The following PPFIA2 variants were observed in gnomAD, a reference collection of about 807,000 sequenced individuals.
PPFIA2 encodes the protein liprin-alpha-2.
Under a neutral mutation model 175.5 loss-of-function variants are expected in PPFIA2, and 46 were observed. That is an observed-to-expected ratio of 0.26 (90% CI 0.21 to 0.34). The LOEUF is 0.34. Ranked by LOEUF, PPFIA2 falls within the 10% of genes least tolerant of loss-of-function variation. The pLI, the probability that PPFIA2 is intolerant of heterozygous loss-of-function variation, is 1.00. For synonymous variants in PPFIA2, 568 were observed against 511.4 expected, an observed-to-expected ratio of 1.11 and a Z score of -1.49; for missense variants, 1,179 against 1,506.1, an observed-to-expected ratio of 0.78 and a Z score of 3.60.
At chr12:81,666,652 C>T (rs1472565737) in intron 4 of PPFIA2, among the ~76,000 whole-genome samples, 6 of 151,978 alleles carry the variant, frequency 3.9e-5, no homozygotes, top group Non-Finnish European at 8.8e-5. Flanking sequence ...TGGAGATATA[C>T]CTAATGTTAA....
chr12:81,479,818 T>C (rs2057977890), intron 4 of PPFIA2, among the ~76,000 whole-genome samples: 1 of 152,148 alleles, frequency 6.6e-6, no homozygotes, highest in South Asian at 2.1e-4. Flanking sequence ...ACCCGACATT[T>C]TTCTCTGGCT....
intron 28 of PPFIA2, among the ~76,000 whole-genome samples, chr12:81,269,843 A>G (rs1360536079): frequency 1.3e-5 from 2 of 151,980 alleles, no homozygotes; most frequent in Non-Finnish European, 2.9e-5. Flanking sequence ...TTATGCTGCA[A>G]TGTGTCCATT....
At chr12:81,372,823 G>A (rs2035495873) in intron 11 of PPFIA2, among the ~76,000 whole-genome samples, 1 of 151,666 alleles carries the variant, frequency 6.6e-6, no homozygotes, top group African/African-American at 2.4e-5. Context: ...AGCATTTGAA[G>A]ACTTTTTGGA....
chr12:81,697,694 T>C (rs893418216), intron 3 of PPFIA2, among the ~76,000 whole-genome samples: 1 of 152,144 alleles, frequency 6.6e-6, no homozygotes, highest in African/African-American at 2.4e-5. Flanking sequence ...AATGCTCCCA[T>C]ATGTCTGTCT....
At chr12:81,283,415 T>C (rs1164299222) in intron 25 of PPFIA2, among the ~76,000 whole-genome samples, 3 of 151,910 alleles carry the variant, frequency 2.0e-5, no homozygotes, top group Non-Finnish European at 4.4e-5. Context: ...TTATACAAAG[T>C]AAATTAGTGA....
At chr12:81,308,863 C>A (rs1027185741) in intron 22 of PPFIA2, among the ~76,000 whole-genome samples, 2 of 152,106 alleles carry the variant, frequency 1.3e-5, no homozygotes, top group East Asian at 1.9e-4. Context: ...CCATTCATTT[C>A]ATTTCAATTG....
intron 4 of PPFIA2, among the ~76,000 whole-genome samples, chr12:81,626,302 G>A (rs973629114): frequency 2.6e-5 from 4 of 151,786 alleles, no homozygotes; most frequent in Non-Finnish European, 5.9e-5. Context: ...AGCTTTTTAT[G>A]TTGTTCATCA....
intron 4 of PPFIA2, among the ~76,000 whole-genome samples, chr12:81,586,883 A>G (rs1244532671): frequency 1.3e-5 from 2 of 151,952 alleles, no homozygotes; most frequent in Non-Finnish European, 2.9e-5. Flanking sequence ...AAATTATGCT[A>G]TTATTTAAAA....
At chr12:81,459,738 T>C (rs2054198729) in intron 4 of PPFIA2, among the ~76,000 whole-genome samples, 1 of 152,148 alleles carries the variant, frequency 6.6e-6, no homozygotes, top group African/African-American at 2.4e-5. Flanking sequence ...ATCATGGCAC[T>C]GATTCTGAGT....
chr12:81,410,802 C>T (rs1011728736), intron 7 of PPFIA2, among the ~76,000 whole-genome samples: 5 of 151,960 alleles, frequency 3.3e-5, no homozygotes, highest in African/African-American at 7.2e-5. Flanking sequence ...CTATGGGAAA[C>T]GATTCTCTCT....
At chr12:81,421,832 C>T in intron 7 of PPFIA2, among the ~76,000 whole-genome samples, 1 of 151,874 alleles carries the variant, frequency 6.6e-6, no homozygotes, top group African/African-American at 2.4e-5. Flanking sequence ...TAAAGACACA[C>T]ACAGTTTGAA....
rs1009373661 is a variant in PPFIA2 at position 81,449,686 on chromosome 12, C to T, written c.406-3966G>A. 1.3e-4 allele frequency among the ~76,000 whole-genome samples: 20 copies of T among 151,868 alleles called. 1 individual carries two copies. The highest frequency in any genetic ancestry group is 1.2e-3 in the Admixed American group (19 of 15,242). On this transcript the variant is annotated intron_variant, in intron 5 of 32. Coordinates refer to ENST00000549396, the MANE Select transcript of PPFIA2 (RefSeq NM_003625.5). Reference sequence around the variant, plus strand: ...TAAGTTCTAGGGTACATGTGCACAACGTGCAGGTTTATTACATATGTATAC... The same window carrying T: ...TAAGTTCTAGGGTACATGTGCACAATGTGCAGGTTTATTACATATGTATAC...
chr12:81,701,773 C>T (rs960518991), intron 3 of PPFIA2, among the ~76,000 whole-genome samples: 11 of 151,788 alleles, frequency 7.2e-5, no homozygotes, highest in Non-Finnish European at 1.2e-4. Context: ...TAATACAGTT[C>T]TCCATTAAAA....
chr12:81,418,434 G>C (rs569111851), intron 7 of PPFIA2, among the ~76,000 whole-genome samples: 133 of 151,828 alleles, frequency 8.8e-4, no homozygotes, highest in Middle Eastern at 6.3e-3. Context: ...GCTAAAAATT[G>C]TTTTGACATT....
rs1555549360 is a variant in PPFIA2, at chr12:81,642,704, A to ATATATTATATACATACACGTACG, written c.303+34086_303+34087insCGTACGTGTATGTATATAATATA. On this transcript the variant is annotated intron_variant, in intron 4 of 32. Transcript: ENST00000549396. ...GTATCTATTATATACATACATGTAT[A>ATATATTATATACATACACGTACG]TGTATGTATGTATTATATACATACA... 2.1e-4 allele frequency among the ~76,000 whole-genome samples: 2 copies of ATATATTATATACATACACGTACG among 9,462 alleles called. 1 individual carries two copies. Among genetic ancestry groups the ATATATTATATACATACACGTACG allele is most frequent in the Non-Finnish European group, 5.1e-4 (2 of 3,898 alleles). The allele number at this position is 9,462 out of a possible 152,430, so 6.2% of individuals were successfully genotyped here. A position where few individuals can be genotyped will look rare whatever the true frequency, so the allele number is the denominator to read the frequency against.
chr12:81,298,947 A>C (rs1025611226), intron 23 of PPFIA2, among the ~76,000 whole-genome samples: 34 of 152,170 alleles, frequency 2.2e-4, no homozygotes, highest in African/African-American at 8.2e-4. Context: ...GAAGTGTTGA[A>C]TATGGAGAGG....
intron 4 of PPFIA2, among the ~76,000 whole-genome samples, chr12:81,590,728 G>A (rs1424335571): frequency 6.6e-6 from 1 of 151,972 alleles, no homozygotes; most frequent in Admixed American, 6.6e-5. Flanking sequence ...CTCTCTCTTT[G>A]CCTGCCACCA....
rs1371142511 is a variant in PPFIA2 at position 81,368,729 on chromosome 12, T to C, written c.1478A>G (p.Glu493Gly). Reference protein sequence around the residue: ...HLKERMAALEEKNVLIQESET... With the variant: ...HLKERMAALEGKNVLIQESET... ...TTTACCCTTCTATCGTTTTACCTTT[T>C]CTTCTAGAGCAGCCATTCTTTCCTT... The change falls in exon 13 of 33, where the codon GAA becomes GGA. Residue 493 changes from glutamate (E) to glycine (G), a missense_variant. Physicochemically the swap from Glu to Gly is moderately conservative, Grantham distance 98. Coordinates refer to ENST00000549396, the MANE Select transcript of PPFIA2 (RefSeq NM_003625.5). The C allele has an allele frequency of 6.2e-7, 1 of 1,604,892 alleles. No individual in the cohort carries two copies. The highest frequency in any genetic ancestry group is 8.5e-7 in the Non-Finnish European group (1 of 1,176,268).
At position 81,258,294 on chromosome 12, in the gene PPFIA2, G is replaced by T. The variant is rs187003969; in HGVS notation, c.*1400C>A. 5 of 152,106 alleles carry T rather than the reference G, an allele frequency of 3.3e-5. No homozygotes were observed. The highest frequency in any genetic ancestry group is 2.6e-4 in the Admixed American group (4 of 15,252). 9.4% of individuals were successfully genotyped at this position (152,106 alleles called of 1,614,324 possible). ...AATTATTATTTTTTTTATTGACAAT[G>T]GAAAGGGTTTCTGTTATCATTACCT... is the stretch of plus-strand genomic sequence containing the variant. On this transcript the variant is annotated 3_prime_UTR_variant, in exon 33 of 33. Transcript: ENST00000549396.
Sources: gnomAD v4.1 joint callset for allele counts (sites outside exome capture counted in the v4.1 genomes callset) on GRCh38, gnomAD v4.1.1 for gene constraint, MANE v1.5 for transcripts, NCBI Gene and HGNC (gene_info 2026-07-23, HGNC 2026-07-21) for gene names.